Variants in GPC5 observed in about 807,000 individuals in gnomAD.
GPC5 encodes the protein glypican-5.
In GPC5, 47 loss-of-function variants were observed where a neutral mutation model predicts 53.9. The ratio of observed to expected loss-of-function variants is 0.87; its 90% CI spans 0.69 to 1.11. The LOEUF is 1.11. Ranked by LOEUF, GPC5 falls within the 50% of genes most tolerant of loss-of-function variation. GPC5 has a pLI of 0.00. For synonymous variants in GPC5, 286 were observed against 263.3 expected (o/e 1.09, Z -0.84); for missense variants, 748 against 713.1 (o/e 1.05, Z -0.56).
chr13:92,379,801 T>C (rs138194598), intron 7 of GPC5, among the ~76,000 whole-genome samples: 236 of 152,312 alleles, frequency 1.5e-3, no homozygotes, highest in African/African-American at 5.5e-3. Context: ...CTCTCTCACT[T>C]ACACATGGCT....
chr13:92,662,786 A>G (rs866641498), intron 7 of GPC5, among the ~76,000 whole-genome samples: 152 of 152,258 alleles, frequency 1.0e-3, no homozygotes, highest in African/African-American at 3.5e-3. Context: ...TTTACACTCC[A>G]AAGTTTCCCT....
At chr13:91,984,690 A>G (rs2040390770) in intron 6 of GPC5, among the ~76,000 whole-genome samples, 1 of 152,102 alleles carries the variant, frequency 6.6e-6, no homozygotes, top group Non-Finnish European at 1.5e-5. Flanking sequence ...AGTAATTTCA[A>G]TATTTTCTTT....
intron 7 of GPC5, among the ~76,000 whole-genome samples, chr13:92,858,776 G>A (rs1484252482): frequency 3.3e-5 from 5 of 151,950 alleles, no homozygotes; most frequent in African/African-American, 1.2e-4. Context: ...CCTGTGTTAC[G>A]AACCTGCACA....
intron 7 of GPC5, among the ~76,000 whole-genome samples, chr13:92,351,026 C>A (rs542892546): frequency 1.3e-5 from 2 of 152,190 alleles, no homozygotes; most frequent in South Asian, 4.1e-4. Context: ...TATAGCCACT[C>A]TTCTCTAGCC....
chr13:92,086,660 T>C (rs886080152), intron 6 of GPC5, among the ~76,000 whole-genome samples: 1 of 152,138 alleles, frequency 6.6e-6, no homozygotes, highest in Non-Finnish European at 1.5e-5. Flanking sequence ...TCTCTTTTTT[T>C]TTTCTTTCTT....
intron 7 of GPC5, among the ~76,000 whole-genome samples, chr13:92,342,784 G>C (rs2043378018): frequency 6.6e-6 from 1 of 151,964 alleles, no homozygotes; most frequent in Non-Finnish European, 1.5e-5. Context: ...TTGTTTTTAA[G>C]ATAATGTTCT....
chr13:91,799,396 G>A (rs571768285), intron 5 of GPC5, among the ~76,000 whole-genome samples: 6 of 152,110 alleles, frequency 3.9e-5, no homozygotes, highest in African/African-American at 1.2e-4. Context: ...CTGACCACTC[G>A]GGCAATGGGA....
At chr13:91,778,908 C>G (rs2037753267) in intron 5 of GPC5, among the ~76,000 whole-genome samples, 1 of 152,222 alleles carries the variant, frequency 6.6e-6, no homozygotes, top group Non-Finnish European at 1.5e-5. Context: ...CCTATTGCTA[C>G]TAGGCTACAA....
At chr13:92,017,594 A>T (rs1346437439) in intron 6 of GPC5, among the ~76,000 whole-genome samples, 1 of 152,118 alleles carries the variant, frequency 6.6e-6, no homozygotes, top group Non-Finnish European at 1.5e-5. Context: ...ATATTATAAG[A>T]TGTTGAACTT....
intron 6 of GPC5, among the ~76,000 whole-genome samples, chr13:92,108,080 C>G (rs944512132): frequency 6.6e-6 from 1 of 152,126 alleles, no homozygotes; most frequent in South Asian, 2.1e-4. Context: ...TATTCCAACC[C>G]AGCCACTTTG....
At chr13:92,833,268 G>T (rs1878112008) in intron 7 of GPC5, among the ~76,000 whole-genome samples, 2 of 152,128 alleles carry the variant, frequency 1.3e-5, no homozygotes, top group Non-Finnish European at 1.5e-5. Flanking sequence ...GAAACCAGCT[G>T]TCCCTTGTGA....
intron 7 of GPC5, among the ~76,000 whole-genome samples, chr13:92,165,047 C>G (rs537841786): frequency 1.3e-5 from 2 of 152,278 alleles, no homozygotes; most frequent in Admixed American, 1.3e-4. Context: ...CCCACAAAAC[C>G]GTCTTTCCCT....
chr13:91,448,984 G>T, intron 2 of GPC5, 62 bp downstream of exon 2: 2 of 1,520,100 alleles, frequency 1.3e-6, no homozygotes, highest in Non-Finnish European at 1.8e-6. Context: ...GCCTAAGATA[G>T]TTACGTTGGC....
chr13:92,756,783 AG>A (rs1468122291), intron 7 of GPC5, among the ~76,000 whole-genome samples: 1 of 149,846 alleles, frequency 6.7e-6, no homozygotes, highest in African/African-American at 2.5e-5. Flanking sequence ...AGGGATGTGA[AG>A]GACCTCTTCA....
chr13:92,208,515 A>G (rs1387961380), intron 7 of GPC5, among the ~76,000 whole-genome samples: 1 of 152,246 alleles, frequency 6.6e-6, no homozygotes, highest in African/African-American at 2.4e-5. Flanking sequence ...TAAGCCAAGC[A>G]ACTCTATGAG....
intron 5 of GPC5, among the ~76,000 whole-genome samples, chr13:91,892,838 T>C (rs1318709358): frequency 6.6e-6 from 1 of 151,976 alleles, no homozygotes; most frequent in Non-Finnish European, 1.5e-5. Context: ...AACAAAACTT[T>C]AAGATTTTAA....
intron 6 of GPC5, among the ~76,000 whole-genome samples, chr13:92,022,661 A>G (rs1342407645): frequency 1.3e-5 from 2 of 152,138 alleles, no homozygotes; most frequent in South Asian, 4.1e-4. Context: ...TGCTTAGGTT[A>G]TATCTTTTAA....
chr13:92,698,631 T>G (rs1253489821), intron 7 of GPC5, among the ~76,000 whole-genome samples: 1 of 152,204 alleles, frequency 6.6e-6, no homozygotes, highest in Non-Finnish European at 1.5e-5. Context: ...AACATATGTG[T>G]GCATGTGTCT....
intron 6 of GPC5, among the ~76,000 whole-genome samples, chr13:92,003,172 G>A (rs1221246849): frequency 3.3e-5 from 5 of 151,692 alleles, no homozygotes; most frequent in African/African-American, 4.8e-5. Context: ...TTAGCTGGGC[G>A]TGGTGGTGCA....
Sources: allele counts gnomAD v4.1 joint callset (sites outside exome capture counted in the v4.1 genomes callset), GRCh38; gene constraint gnomAD v4.1.1; transcripts MANE v1.5; gene names NCBI Gene and HGNC (gene_info 2026-07-23, HGNC 2026-07-21).